CHD6: variants seen among roughly 807,000 people sequenced by gnomAD.
CHD6 encodes ATP-dependent chromatin remodeler CHD6.
Under a neutral mutation model 276.9 loss-of-function variants are expected in CHD6, and 50 were observed. The ratio of observed to expected loss-of-function variants is 0.18; its 90% confidence interval spans 0.14 to 0.23. The LOEUF is 0.23. CHD6 is among the 10% of genes least tolerant of loss of function. CHD6 has a pLI of 1.00. For missense variants in CHD6, 2,564 were observed against 3,365.8 expected (o/e 0.76, Z 5.89); for synonymous variants, 1,173 against 1,229.3 (o/e 0.95, Z 0.96).
intron 32 of CHD6, 126 bp downstream of exon 32, chr20:41,417,072 T>C (rs1414829816): frequency 3.4e-6 from 3 of 894,694 alleles, no homozygotes; most frequent in Non-Finnish European, 5.1e-6. Context: ...ACATAACTAA[T>C]ATCTTTTAAA....
intron 5 of CHD6, among the ~76,000 whole-genome samples, chr20:41,501,991 C>A (rs1449246441): frequency 6.6e-6 from 1 of 151,824 alleles, no homozygotes; most frequent in African/African-American, 2.4e-5. Flanking sequence ...ATAAATTGTT[C>A]TTTCTAATTT....
intron 1 of CHD6, 76 bp from the exon 2 acceptor site, chr20:41,551,436 G>GT: frequency 1.5e-6 from 1 of 665,316 alleles, no homozygotes; most frequent in Non-Finnish European, 2.6e-6. Flanking sequence ...CCAGATTACT[G>GT]TAACACACAA....
chr20:41,582,946 G>A (rs891901224), intron 1 of CHD6, among the ~76,000 whole-genome samples: 2 of 152,058 alleles, frequency 1.3e-5, no homozygotes, highest in Non-Finnish European at 2.9e-5. Flanking sequence ...ACAAAAACGG[G>A]GAAAAAGAAG....
intron 3 of CHD6, among the ~76,000 whole-genome samples, chr20:41,531,053 C>T (rs2044673158): frequency 6.6e-6 from 1 of 152,170 alleles, no homozygotes; most frequent in South Asian, 2.1e-4. Context: ...CATTTGGCAT[C>T]CAACACTTTG....
At chr20:41,564,895 C>A (rs1167238625) in intron 1 of CHD6, among the ~76,000 whole-genome samples, 1 of 151,872 alleles carries the variant, frequency 6.6e-6, no homozygotes, top group African/African-American at 2.4e-5. Flanking sequence ...TAATGGGGAG[C>A]CATTAATTGA....
intron 12 of CHD6, among the ~76,000 whole-genome samples, chr20:41,489,560 A>G (rs556880919): frequency 3.3e-5 from 5 of 152,240 alleles, no homozygotes; most frequent in Non-Finnish European, 5.9e-5. Context: ...TAAAAAAGGT[A>G]TATCTCAGAG....
intron 5 of CHD6, among the ~76,000 whole-genome samples, chr20:41,506,560 G>C (rs547863324): frequency 2.3e-4 from 35 of 152,268 alleles, no homozygotes; most frequent in Non-Finnish European, 4.7e-4. Flanking sequence ...TCCTCACCCT[G>C]AATTCCATAT....
At chr20:41,510,487 G>A (rs2044092572) in intron 5 of CHD6, among the ~76,000 whole-genome samples, 1 of 152,184 alleles carries the variant, frequency 6.6e-6, no homozygotes, top group African/African-American at 2.4e-5. Context: ...GAATGTCAAA[G>A]CCAAAACCAT....
chr20:41,471,533 A>C (rs2043051778), intron 17 of CHD6, among the ~76,000 whole-genome samples: 1 of 130,486 alleles, frequency 7.7e-6, no homozygotes, highest in Non-Finnish European at 1.5e-5. Flanking sequence ...ACCATGAAAT[A>C]TTTTCAGTTT....
intron 14 of CHD6, 61 bp downstream of exon 14, chr20:41,487,604 C>A (rs1184542436): frequency 3.2e-5 from 48 of 1,508,566 alleles, no homozygotes; most frequent in Non-Finnish European, 4.2e-5. Flanking sequence ...TAGCATCCTG[C>A]TCTTTTCTTG....
intron 1 of CHD6, among the ~76,000 whole-genome samples, chr20:41,613,513 T>C (rs1184011158): frequency 6.6e-6 from 1 of 152,202 alleles, no homozygotes; most frequent in Non-Finnish European, 1.5e-5. Context: ...GATCATGTGA[T>C]CACAGCGAGG....
chr20:41,580,064 A>G (rs2045519959), intron 1 of CHD6, among the ~76,000 whole-genome samples: 2 of 152,200 alleles, frequency 1.3e-5, no homozygotes. Flanking sequence ...TCATAGATTC[A>G]TAGGTCAAGT....
chr20:41,554,986 C>T (rs1199595806), intron 1 of CHD6, among the ~76,000 whole-genome samples: 70 of 140,682 alleles, frequency 5.0e-4, no homozygotes, highest in East Asian at 1.3e-3. Flanking sequence ...ACCTCCCGGA[C>T]GGGGCGGCTG....
At chr20:41,578,407 G>C (rs1199578136) in intron 1 of CHD6, among the ~76,000 whole-genome samples, 1 of 152,026 alleles carries the variant, frequency 6.6e-6, no homozygotes, top group Admixed American at 6.6e-5. Context: ...TTTTAAAAAA[G>C]TTTTTTAATA....
chr20:41,609,648 T>C (rs1280057313), intron 1 of CHD6, among the ~76,000 whole-genome samples: 4 of 152,188 alleles, frequency 2.6e-5, no homozygotes, highest in African/African-American at 9.6e-5. Context: ...TGTGAGTCTA[T>C]AAACCACATA....
intron 1 of CHD6, among the ~76,000 whole-genome samples, chr20:41,555,133 CGGG>C (rs1267465799): frequency 0.022 from 3,052 of 135,820 alleles, 551 homozygotes; most frequent in East Asian, 0.11. Context: ...CCCTCCCCGA[CGGG>C]GCGGCTGGCC....
At chr20:41,514,701 A>T in intron 4 of CHD6, 104 bp downstream of exon 4, 1 of 1,305,668 alleles carries the variant, frequency 7.7e-7, no homozygotes. Context: ...GCCCAGGGCT[A>T]GGGAGTGTGC....
chr20:41,437,269 C>T lies in CHD6; in HGVS notation c.4068+5G>A. On this transcript the variant is annotated splice_donor_5th_base_variant and intron_variant, in intron 27 of 36. Coordinates refer to ENST00000373233, the MANE Select transcript of CHD6 (RefSeq NM_032221.5). ...TAAATGACCAATACTGCACATTTGACTCACCGTTTGTTTCTGGAGGCCATC... is the reference window on the plus strand; with the variant it reads ...TAAATGACCAATACTGCACATTTGATTCACCGTTTGTTTCTGGAGGCCATC... 1 of 1,608,546 alleles carries T rather than the reference C, an allele frequency of 6.2e-7. No homozygotes were observed. Among genetic ancestry groups the T allele is most frequent in the Non-Finnish European group, 8.5e-7 (1 of 1,174,992 alleles).
chr20:41,455,929 A>G lies in CHD6; in HGVS notation c.2880T>C (p.Ala960=). The change falls in exon 19 of 37, where the codon GCT becomes GCC. Residue 960 remains alanine, a synonymous_variant. Transcript: ENST00000373233. The stretch of plus-strand genomic sequence containing the variant: ...CTTCTTCATCCATTAAGGCTCCATA[A>G]GCACCTTTCCGGAGTAGGTCCTCCA... ...MEVEDLLRKG[A]YGALMDEEDE... The G allele has an allele frequency of 6.2e-7, 1 of 1,608,258 alleles. No homozygotes were observed. Among genetic ancestry groups the G allele is most frequent in the Non-Finnish European group, 8.5e-7 (1 of 1,177,698 alleles).
Sources: allele counts gnomAD v4.1 joint callset (sites outside exome capture counted in the v4.1 genomes callset), GRCh38; gene constraint gnomAD v4.1.1; transcripts MANE v1.5; gene names NCBI Gene and HGNC (gene_info 2026-07-23, HGNC 2026-07-21).